DNMBP: variants seen among roughly 807,000 people sequenced by gnomAD.
DNMBP encodes the protein dynamin-binding protein.
In DNMBP, 87 loss-of-function variants were observed where a neutral mutation model predicts 150.0. The observed-to-expected ratio is 0.58, with a 90% CI of 0.49 to 0.69. The LOEUF is 0.69. DNMBP is among the 30% of genes least tolerant of loss of function. The probability of loss-of-function intolerance (pLI) is 0.00; values close to 1 mark genes in which losing one functional copy is unlikely to be tolerated. For missense variants in DNMBP, 1,774 were observed against 1,949.0 expected (o/e 0.91, Z 1.69); for synonymous variants, 711 against 750.4 (o/e 0.95, Z 0.86).
intron 4 of DNMBP, among the ~76,000 whole-genome samples, chr10:99,952,076 G>A (rs2040429916): frequency 6.6e-6 from 1 of 151,918 alleles, no homozygotes; most frequent in Non-Finnish European, 1.5e-5. Flanking sequence ...AGATCTGATG[G>A]TTTTGAAAAA....
At chr10:99,990,852 CATATAT>C (rs71009796) in intron 1 of DNMBP, among the ~76,000 whole-genome samples, 1 of 144,792 alleles carries the variant, frequency 6.9e-6, no homozygotes. Flanking sequence ...CACACACACA[CATATAT>C]ATATATATAT....
intron 1 of DNMBP, among the ~76,000 whole-genome samples, chr10:99,987,012 G>A (rs78068179): frequency 0.044 from 6,721 of 151,880 alleles, 166 homozygotes; most frequent in South Asian, 0.087. Context: ...AAAATTAGCC[G>A]GGTGTGGTGG....
chr10:99,933,803 C>T (rs1298674719), intron 4 of DNMBP, among the ~76,000 whole-genome samples: 1 of 152,206 alleles, frequency 6.6e-6, no homozygotes, highest in East Asian at 1.9e-4. Flanking sequence ...GTGGCGCGAT[C>T]TTGGCTCACT....
intron 4 of DNMBP, chr10:99,914,112 G>A: frequency 1.5e-6 from 2 of 1,361,174 alleles, no homozygotes; most frequent in Non-Finnish European, 1.9e-6. Context: ...TATGAATCGC[G>A]CAAGTCACCC....
chr10:99,993,465 T>C (rs987972898), intron 1 of DNMBP, among the ~76,000 whole-genome samples: 7 of 152,152 alleles, frequency 4.6e-5, no homozygotes, highest in Non-Finnish European at 1.0e-4. Context: ...TTTTTAAAAG[T>C]AAGTGTCTCT....
intron 13 of DNMBP, 115 bp downstream of exon 13, chr10:99,886,185 A>T: frequency 1.2e-6 from 1 of 865,396 alleles, no homozygotes; most frequent in Non-Finnish European, 1.8e-6. Flanking sequence ...TGAACTAGCG[A>T]CACATTCAGT....
intron 4 of DNMBP, 26 bp downstream of exon 4, chr10:99,955,188 T>G: frequency 6.3e-7 from 1 of 1,587,310 alleles, no homozygotes; most frequent in South Asian, 1.2e-5. Flanking sequence ...CAAGAAACAA[T>G]TACATATTAT....
chr10:99,914,067 G>A, intron 4 of DNMBP: 1 of 1,438,190 alleles, frequency 7.0e-7, no homozygotes, highest in Non-Finnish European at 9.2e-7. Context: ...CCTTTGAATA[G>A]GGTCGGCATT....
intron 4 of DNMBP, among the ~76,000 whole-genome samples, chr10:99,911,265 C>T (rs1236150245): frequency 2.0e-5 from 3 of 151,532 alleles, no homozygotes; most frequent in East Asian, 1.9e-4. Context: ...CTGTCATCCC[C>T]GCACTTTGGG....
At chr10:99,990,855 A>G (rs2133377015) in intron 1 of DNMBP, among the ~76,000 whole-genome samples, 1 of 1,634 alleles carries the variant, frequency 6.1e-4, no homozygotes, top group South Asian at 3.9e-3. Context: ...ACACACACAT[A>G]TATATATATA....
chr10:99,953,819 A>AAAAAAAAAAAGAAAG (rs1229016312), intron 4 of DNMBP, among the ~76,000 whole-genome samples: 1 of 133,532 alleles, frequency 7.5e-6, no homozygotes, highest in African/African-American at 2.9e-5. Flanking sequence ...GTCTCAAAAA[A>AAAAAAAAAAAGAAAG]AAAAAGAAAA....
intron 3 of DNMBP, among the ~76,000 whole-genome samples, chr10:99,960,643 C>T (rs532071787): frequency 6.6e-6 from 1 of 152,162 alleles, no homozygotes; most frequent in Admixed American, 6.5e-5. Context: ...CCTGTGTCTA[C>T]TAAAAATACA....
intron 1 of DNMBP, among the ~76,000 whole-genome samples, chr10:99,990,686 CAT>C (rs1024094104): frequency 2.0e-5 from 3 of 149,374 alleles, no homozygotes; most frequent in Admixed American, 6.7e-5. Context: ...TATATACACA[CAT>C]ATATATACAC....
intron 4 of DNMBP, chr10:99,930,839 T>C (rs560663797): frequency 1.2e-4 from 75 of 601,392 alleles, no homozygotes; most frequent in Admixed American, 3.1e-4. Flanking sequence ...AGGTGCAGTC[T>C]AGCCTAAGGC....
rs184616342 is a variant in DNMBP at position 99,942,966 on chromosome 10, C to T, written c.2260+12248G>A. 2.6e-3 allele frequency among the ~76,000 whole-genome samples: 397 copies of T among 152,212 alleles called. 3 individuals carry two copies. The highest frequency in any genetic ancestry group is 8.7e-3 in the African/African-American group (362 of 41,548). ...GAAAGAAAGATTATTATTTCCTTTA[C>T]ATAAACTTTCATTATCTTGAAAGAC... On this transcript the variant is annotated intron_variant, in intron 4 of 16. Coordinates refer to ENST00000324109, the MANE Select transcript of DNMBP (RefSeq NM_015221.4).
chr10:99,935,221 T>C (rs772587260), intron 4 of DNMBP, among the ~76,000 whole-genome samples: 1 of 151,088 alleles, frequency 6.6e-6, no homozygotes, highest in Non-Finnish European at 1.5e-5. Flanking sequence ...TATTTGGGAG[T>C]TGGAGTTGAA....
In DNMBP at chr10:99,880,288, C is replaced by T; in HGVS notation, c.4071G>A (p.Val1357=). 6.2e-7 allele frequency: 1 copy of T among 1,613,686 alleles called. No individual in the cohort carries two copies. The part of the protein sequence containing the change: ...NPRRSHSDAS[V]GSHSSTESEH... ...CAGACTCTGTGGAGGAGTGGCTACC[C>T]ACGGAGGCATCGGAGTGGCTGCGGC... Residue 1357 remains valine (V), a synonymous_variant, in exon 16 of 17, where the codon GTG becomes GTA. Coordinates refer to ENST00000324109, the MANE Select transcript of DNMBP (RefSeq NM_015221.4).
At chr10:99,913,643 AC>A (rs2039928306) in intron 4 of DNMBP, among the ~76,000 whole-genome samples, 1 of 151,406 alleles carries the variant, frequency 6.6e-6, no homozygotes, top group Non-Finnish European at 1.5e-5. Context: ...CTTACCCCCC[AC>A]CCCAAGTCCT....
intron 6 of DNMBP, among the ~76,000 whole-genome samples, chr10:99,902,011 T>G (rs923159918): frequency 1.3e-5 from 2 of 151,856 alleles, no homozygotes; most frequent in African/African-American, 4.8e-5. Context: ...CAAGTGATCC[T>G]CCGACCTCAG....
Sources: allele counts gnomAD v4.1 joint callset (sites outside exome capture counted in the v4.1 genomes callset), GRCh38; gene constraint gnomAD v4.1.1; transcripts MANE v1.5; gene names NCBI Gene and HGNC (gene_info 2026-07-23, HGNC 2026-07-21).